Variants in CAMTA1 observed in about 807,000 individuals in gnomAD.
CAMTA1 encodes the protein calmodulin-binding transcription activator 1.
CAMTA1 carries 27 observed loss-of-function variants against 170.9 expected under a neutral mutation model. The ratio of observed to expected loss-of-function variants is 0.16; its 90% confidence interval spans 0.12 to 0.22. The LOEUF (loss-of-function observed/expected upper bound fraction) is 0.22, where lower values mean the gene tolerates loss of function less well. Among genes scored for constraint, CAMTA1 ranks in the 10% least tolerant of loss-of-function variants. The probability of loss-of-function intolerance (pLI) is 1.00; values close to 1 mark genes in which losing one functional copy is unlikely to be tolerated. For synonymous variants in CAMTA1, 833 were observed against 891.5 expected (o/e 0.93, Z 1.17); for missense variants, 1,619 against 2,217.2 (o/e 0.73, Z 5.42).
At chr1:6,829,627 A>G (rs1344091935) in intron 3 of CAMTA1, among the ~76,000 whole-genome samples, 1 of 152,218 alleles carries the variant, frequency 6.6e-6, no homozygotes, top group African/African-American at 2.4e-5. Context: ...AGTTAATCCT[A>G]TGAGATAGAT....
intron 5 of CAMTA1, among the ~76,000 whole-genome samples, chr1:7,305,421 T>G (rs1291678057): frequency 6.6e-6 from 1 of 151,990 alleles, no homozygotes; most frequent in Non-Finnish European, 1.5e-5. Context: ...AGCTGGTATT[T>G]TTACTGGAGT....
rs868596576 is a variant in CAMTA1, at chr1:7,566,618, C to T, written c.511-73782C>T. Among the ~76,000 whole-genome samples the T allele has an allele frequency of 1.2e-4, 19 of 152,120 alleles. No homozygotes were observed. In the South Asian group the frequency reaches 1.5e-3, roughly 12 times the overall value. On this transcript the variant is annotated intron_variant, in intron 6 of 22. Coordinates refer to ENST00000303635, the MANE Select transcript of CAMTA1 (RefSeq NM_015215.4). ...ACCATGGCTTTGCAGATCTCAAAACCGATGTGACACCCAGACCTCAGCCTG... is the reference window on the plus strand; with the variant it reads ...ACCATGGCTTTGCAGATCTCAAAACTGATGTGACACCCAGACCTCAGCCTG...
chr1:7,012,412 T>C (rs1699931454), intron 3 of CAMTA1, among the ~76,000 whole-genome samples: 1 of 152,184 alleles, frequency 6.6e-6, no homozygotes, highest in African/African-American at 2.4e-5. Flanking sequence ...TCCTGCCTCC[T>C]GGGTTTCTGG....
chr1:7,447,234 G>A (rs1263499863), intron 5 of CAMTA1, among the ~76,000 whole-genome samples: 1 of 152,094 alleles, frequency 6.6e-6, no homozygotes, highest in Non-Finnish European at 1.5e-5. Context: ...CGCGTGGATG[G>A]TGTAGCACCA....
chr1:7,061,770 G>A (rs185362653), intron 3 of CAMTA1, among the ~76,000 whole-genome samples: 30 of 151,974 alleles, frequency 2.0e-4, no homozygotes, highest in African/African-American at 7.2e-4. Flanking sequence ...GGCTGGAGTA[G>A]GGGCAGTGGC....
chr1:6,790,693 A>G (rs72636201), intron 1 of CAMTA1, among the ~76,000 whole-genome samples: 3,292 of 152,288 alleles, frequency 0.022, 40 homozygotes, highest in Non-Finnish European at 0.033. Flanking sequence ...TTAATACCTA[A>G]TTGATGCTCA....
intron 11 of CAMTA1, among the ~76,000 whole-genome samples, chr1:7,713,947 TC>T (rs2149696150): frequency 6.6e-6 from 1 of 152,282 alleles, no homozygotes; most frequent in African/African-American, 2.4e-5. Flanking sequence ...CCGCAGCCAC[TC>T]GGGGGTCCAC....
chr1:7,002,462 G>C (rs965130152), intron 3 of CAMTA1, among the ~76,000 whole-genome samples: 1 of 152,222 alleles, frequency 6.6e-6, no homozygotes, highest in Admixed American at 6.5e-5. Context: ...ATTGAGGTCT[G>C]TTTAAATTGT....
intron 5 of CAMTA1, among the ~76,000 whole-genome samples, chr1:7,309,286 A>ATTTTT (rs1557486806): frequency 1.4e-5 from 2 of 142,892 alleles, no homozygotes; most frequent in African/African-American, 5.2e-5. Context: ...GCAGTTAGAA[A>ATTTTT]ATTTTTTTTT....
chr1:7,404,936 GT>G (rs2090183514), intron 5 of CAMTA1, among the ~76,000 whole-genome samples: 2 of 152,066 alleles, frequency 1.3e-5, no homozygotes, highest in African/African-American at 4.8e-5. Flanking sequence ...GGGTTTGTTT[GT>G]TTGTTTTTTC....
At chr1:7,220,124 A>T (rs1660474177) in intron 4 of CAMTA1, among the ~76,000 whole-genome samples, 1 of 152,214 alleles carries the variant, frequency 6.6e-6, no homozygotes, top group African/African-American at 2.4e-5. Context: ...ATATTTTTAC[A>T]GCATTCTCAT....
intron 3 of CAMTA1, among the ~76,000 whole-genome samples, chr1:6,896,265 C>A (rs1045486822): frequency 2.6e-5 from 4 of 152,176 alleles, no homozygotes; most frequent in African/African-American, 9.7e-5. Context: ...CTAGTTCACC[C>A]CAAATGAGAT....
chr1:7,736,754 A>G lies in CAMTA1; in HGVS notation c.3264-177A>G, dbSNP rs1029942796. Reference sequence around the variant, plus strand: ...ATAAGAATTAAATGTTGGACTTGTCATTTTCTTTGGACCCCTAGCCAAATG... The same window carrying G: ...ATAAGAATTAAATGTTGGACTTGTCGTTTTCTTTGGACCCCTAGCCAAATG... On this transcript the variant is annotated intron_variant, in intron 13 of 22. Coordinates refer to ENST00000303635, the MANE Select transcript of CAMTA1 (RefSeq NM_015215.4). The surrounding 1 kb of genome is among the most constrained non-coding windows in gnomAD (Gnocchi z 4.5). Among the ~76,000 whole-genome samples, 6 of 151,916 alleles carry G rather than the reference A, an allele frequency of 3.9e-5. No individual in the cohort carries two copies. Among genetic ancestry groups the G allele is most frequent in the South Asian group, 2.1e-4 (1 of 4,802 alleles).
chr1:7,421,793 G>T (rs1157609284), intron 5 of CAMTA1, among the ~76,000 whole-genome samples: 1 of 151,912 alleles, frequency 6.6e-6, no homozygotes, highest in Non-Finnish European at 1.5e-5. Context: ...TTCTCCTGGG[G>T]TTGGGTGTCT....
At position 7,491,596 on chromosome 1, in the gene CAMTA1, A is replaced by AT. The variant is rs34227460; in HGVS notation, c.510+23704dup. Among the ~76,000 whole-genome samples, 11 of 151,914 alleles carry AT rather than the reference A, an allele frequency of 7.2e-5. No homozygotes were observed. In the South Asian group the frequency reaches 8.3e-4, roughly 11 times the overall value. ...TTAAATAATTACAAGCACTTCGGTG[A>AT]TTTTTTTTTCTACTGACTAAGGTTA... On this transcript the variant is annotated intron_variant, in intron 6 of 22. Transcript: ENST00000303635.
chr1:7,007,796 G>A lies in CAMTA1; in HGVS notation c.235-83508G>A, dbSNP rs1699223976. 6.6e-6 allele frequency among the ~76,000 whole-genome samples: 1 copy of A among 152,194 alleles called. No individual in the cohort carries two copies. The highest frequency in any genetic ancestry group is 1.9e-4 in the East Asian group (1 of 5,190). On this transcript the variant is annotated intron_variant, in intron 3 of 22. Coordinates refer to ENST00000303635, the MANE Select transcript of CAMTA1 (RefSeq NM_015215.4). This position sits in a 1 kb window ranked among gnomAD's most constrained non-coding sequence, Gnocchi z 4.5. ...GGCCGGGTCATCCACTCCTCCAGAA[G>A]AGAGGCCAGGGAGCATTCCATCAGC...
chr1:6,786,916 C>T (rs188496906), intron 1 of CAMTA1, among the ~76,000 whole-genome samples: 3 of 152,166 alleles, frequency 2.0e-5, no homozygotes, highest in Admixed American at 2.0e-4. Context: ...CCACTTGACT[C>T]TTGTGTCTCA....
chr1:7,124,286 G>A (rs187275920), intron 4 of CAMTA1, among the ~76,000 whole-genome samples: 30 of 152,226 alleles, frequency 2.0e-4, no homozygotes, highest in South Asian at 2.1e-4. Flanking sequence ...CCCCTGTTGC[G>A]TTCCCACCGT....
At chr1:6,857,248 GA>G (rs1456525214) in intron 3 of CAMTA1, among the ~76,000 whole-genome samples, 2 of 152,160 alleles carry the variant, frequency 1.3e-5, no homozygotes, top group African/African-American at 4.8e-5. Context: ...ATGGGGTTTG[GA>G]AATAGAGTCA....
Sources: gnomAD v4.1 joint callset for allele counts (sites outside exome capture counted in the v4.1 genomes callset) on GRCh38, gnomAD v4.1.1 for gene constraint, Gnocchi (gnomAD v3.1) non-coding constraint, MANE v1.5 for transcripts, NCBI Gene and HGNC (gene_info 2026-07-23, HGNC 2026-07-21) for gene names.